The following EXOSC9 variants were observed in gnomAD, a reference collection of about 807,000 sequenced individuals.
EXOSC9 encodes the protein exosome complex component RRP45.
Under a neutral mutation model 56.5 loss-of-function variants are expected in EXOSC9, and 38 were observed. The ratio of observed to expected loss-of-function variants is 0.67; its 90% CI spans 0.52 to 0.88. EXOSC9 has a LOEUF of 0.88. Among genes scored for constraint, EXOSC9 ranks in the 40% least tolerant of loss-of-function variants. EXOSC9 has a pLI of 0.00. For synonymous variants in EXOSC9, 170 were observed against 170.8 expected, an observed-to-expected ratio of 0.99 and a Z score of 0.04; for missense variants, 559 against 530.5, an observed-to-expected ratio of 1.05 and a Z score of -0.53.
In EXOSC9 at chr4:121,816,462, G is replaced by C; in HGVS notation, c.1235+15G>C. On this transcript the variant is annotated intron_variant, in intron 11 of 11. Coordinates refer to ENST00000243498, the MANE Select transcript of EXOSC9 (RefSeq NM_005033.3). ...AAGAAAATAAGGTAACAAATTTCTGGTTTATTTCAAATGTATACATATACT... is the reference window on the plus strand; with the variant it reads ...AAGAAAATAAGGTAACAAATTTCTGCTTTATTTCAAATGTATACATATACT... 1 of 1,510,060 alleles carries C rather than the reference G, an allele frequency of 6.6e-7. No homozygotes were observed. The highest frequency in any genetic ancestry group is 9.0e-7 in the Non-Finnish European group (1 of 1,110,680). 93.5% of individuals were successfully genotyped at this position (1,510,060 alleles called of 1,614,324 possible).
rs916691108 is a variant in EXOSC9 at position 121,801,365 on chromosome 4, A to G, written c.-60A>G. The G allele has an allele frequency of 2.0e-6, 3 of 1,510,564 alleles. No homozygotes were observed. The highest frequency in any genetic ancestry group is 2.8e-6 in the Non-Finnish European group (3 of 1,085,660). The allele number at this position is 1,510,564 out of a possible 1,614,324, so 93.6% of individuals were successfully genotyped here. A position where few individuals can be genotyped will look rare whatever the true frequency, so the allele number is the denominator to read the frequency against. On this transcript the variant is annotated 5_prime_UTR_variant, in exon 1 of 12. Transcript: ENST00000243498. ...CGGGGCGAGCAGCGGCGCGCAAGGA[A>G]AGATCGGGTTCCGTTTTTCCCGCGG...
rs1259523527 is a variant in EXOSC9 at position 121,813,345 on chromosome 4, A to C, written c.939A>C (p.Glu313Asp). 2 of 1,613,712 alleles carry C rather than the reference A, an allele frequency of 1.2e-6. No homozygotes were observed. Among genetic ancestry groups the C allele is most frequent in the Non-Finnish European group, 8.5e-7 (1 of 1,179,830 alleles). Residue 313 changes from glutamate (E) to aspartate (D), a missense_variant, in exon 9 of 12, where the codon GAA becomes GAC. Transcript: ENST00000243498. The part of the protein sequence containing the change: ...IDTSDVEEKA[E>D]EIIAEAEPPS... The stretch of plus-strand genomic sequence containing the variant: ...CCTCGGATGTAGAAGAAAAAGCAGA[A>C]GAAATCATTGCTGAAGCAGAACCTC...
Position 121,816,963 on chromosome 4 carries a change from G to T in EXOSC9, c.*107G>T. Reference sequence around the variant, plus strand: ...ACAAATCCATTATAAAATCTAGCAGGATTTTAAAAATAGTTTTTTGTTTTT... The same window carrying T: ...ACAAATCCATTATAAAATCTAGCAGTATTTTAAAAATAGTTTTTTGTTTTT... On this transcript the variant is annotated 3_prime_UTR_variant, in exon 12 of 12. Transcript: ENST00000243498. The T allele has an allele frequency of 8.8e-7, 1 of 1,132,798 alleles. No homozygotes were observed. The highest frequency in any genetic ancestry group is 1.2e-6 in the Non-Finnish European group (1 of 841,490). 70.2% of individuals were successfully genotyped at this position (1,132,798 alleles called of 1,614,324 possible).
At position 121,814,008 on chromosome 4, in the gene EXOSC9, A is replaced by C. The variant is rs763519680; in HGVS notation, c.1117A>C (p.Met373Leu). ...AGCTATCATTCTTGATGGTATAAAA[A>C]TGGACACTGGAGTAGAAGTCTCTGA... ...DQAIILDGIK[M>L]DTGVEVSDIG... The change falls in exon 10 of 12, where the codon ATG becomes CTG. Residue 373 changes from methionine (M) to leucine (L), a missense_variant. Physicochemically the swap from Met to Leu is conservative, Grantham distance 15. Coordinates refer to ENST00000243498, the MANE Select transcript of EXOSC9 (RefSeq NM_005033.3). The C allele has an allele frequency of 1.2e-6, 2 of 1,613,748 alleles. No individual in the cohort carries two copies. The highest frequency in any genetic ancestry group is 2.7e-5 in the African/African-American group (2 of 74,892).
rs1724319048 is a variant in EXOSC9, at chr4:121,813,253, G to C, written c.847G>C (p.Gly283Arg). Residue 283 changes from glycine to arginine, a missense_variant, in exon 9 of 12, where the codon GGT (glycine) becomes CGT (arginine). Transcript: ENST00000243498. ...QKVRKEGGKFGFAESIANQRI... is the reference protein window; with the variant it reads ...QKVRKEGGKFRFAESIANQRI... ...ATACAGGAAAGAAGGTGGAAAGTTT[G>C]GTTTTGCAGAGTCTATAGCAAATCA... 1 of 1,608,582 alleles carries C rather than the reference G, an allele frequency of 6.2e-7. No individual in the cohort carries two copies. Among genetic ancestry groups the C allele is most frequent in the Non-Finnish European group, 8.5e-7 (1 of 1,176,828 alleles).
chr4:121,807,756 T>G, intron 6 of EXOSC9, 134 bp downstream of exon 6: 1 of 623,602 alleles, frequency 1.6e-6, no homozygotes, highest in East Asian at 2.8e-5. Flanking sequence ...CTTTCTTTCT[T>G]TGTAAGGGCA....
chr4:121,801,894 G>A lies in EXOSC9; in HGVS notation c.134G>A (p.Cys45Tyr), dbSNP rs545738309. The A allele has an allele frequency of 1.9e-6, 3 of 1,613,654 alleles. No individual in the cohort carries two copies. In the African/African-American group the frequency reaches 4.0e-5, roughly 21 times the overall value. Reference sequence around the variant, plus strand: ...ATCTCATTTGGAACAGATTACGGATGCTGCATTGTGGAACTTGGAAAAACA... The same window carrying A: ...ATCTCATTTGGAACAGATTACGGATACTGCATTGTGGAACTTGGAAAAACA... Reference protein sequence around the residue: ...IRISFGTDYGCCIVELGKTRV... With the variant: ...IRISFGTDYGYCIVELGKTRV... The change falls in exon 2 of 12, where the codon TGC becomes TAC. Residue 45 changes from cysteine to tyrosine, a missense_variant. By Grantham distance (194) the Cys-to-Tyr change is radical (BLOSUM62 -2). Transcript: ENST00000243498.
At chr4:121,802,566 C>A in intron 2 of EXOSC9, 108 bp from the exon 3 acceptor site, 1 of 963,586 alleles carries the variant, frequency 1.0e-6, no homozygotes, top group Non-Finnish European at 1.6e-6. Flanking sequence ...ATTTATTTGG[C>A]TGAGTATGAT....
At chr4:121,815,469 T>G in intron 10 of EXOSC9, 1 of 985,268 alleles carries the variant, frequency 1.0e-6, no homozygotes, top group Non-Finnish European at 1.2e-6. Flanking sequence ...AGAAACTAAT[T>G]GAAAACTAAA....
In EXOSC9 at chr4:121,802,062, G is replaced by T. The variant is rs946663928; in HGVS notation, c.161+141G>T. ...GACAAAAATAAGTATTTTTTTATGC[G>T]AGATTTTTTGCTTTTGTGGTCACAC... On this transcript the variant is annotated intron_variant, in intron 2 of 11. Transcript: ENST00000243498. The T allele has an allele frequency of 1.2e-5, 8 of 643,798 alleles. No individual in the cohort carries two copies. The African/African-American group carries it at 1.5e-4, about 12-fold the overall frequency. 39.9% of individuals were successfully genotyped at this position (643,798 alleles called of 1,614,324 possible). A position where few individuals can be genotyped will look rare whatever the true frequency, so the allele number is the denominator to read the frequency against.
intron 4 of EXOSC9, chr4:121,804,397 G>T (rs1371170313): frequency 5.5e-6 from 2 of 361,622 alleles, no homozygotes; most frequent in Non-Finnish European, 9.9e-6. Context: ...TGTTAGAGTG[G>T]TTCTGTTTAT....
Position 121,804,918 on chromosome 4 carries a change from C to T in EXOSC9, c.522+159C>T, listed in dbSNP as rs6836544. ...TGAAACTGCATATGGTCAAAATTGC[C>T]CTGGAAATCTCTTAACCGTTCCTCT... On this transcript the variant is annotated intron_variant, in intron 5 of 11. Transcript: ENST00000243498. Among the ~76,000 whole-genome samples, 19,571 of 152,144 alleles carry T rather than the reference C, an allele frequency of 0.13. 3,441 individuals carry two copies. Among genetic ancestry groups the T allele is most frequent in the African/African-American group, 0.4 (16,447 of 41,458 alleles).
intron 11 of EXOSC9, 93 bp downstream of exon 11, chr4:121,816,540 T>A: frequency 2.2e-6 from 2 of 899,280 alleles, no homozygotes; most frequent in Non-Finnish European, 3.4e-6. Flanking sequence ...GCCACATGAC[T>A]ATAAACAAAA....
chr4:121,808,139 T>TG (rs1429298914), intron 6 of EXOSC9, among the ~76,000 whole-genome samples: 1 of 152,192 alleles, frequency 6.6e-6, no homozygotes, highest in Non-Finnish European at 1.5e-5. Flanking sequence ...GCAGAAAACT[T>TG]GGAGTTTTTC....
At position 121,816,905 on chromosome 4, in the gene EXOSC9, T is replaced by G. The variant is rs148015288; in HGVS notation, c.*49T>G. ...ATATAACTATTAAAAGGGATATTTATTCCATTCTGAGAACCCTGGGTATTT... is the reference window on the plus strand; with the variant it reads ...ATATAACTATTAAAAGGGATATTTAGTCCATTCTGAGAACCCTGGGTATTT... On this transcript the variant is annotated 3_prime_UTR_variant, in exon 12 of 12. Coordinates refer to ENST00000243498, the MANE Select transcript of EXOSC9 (RefSeq NM_005033.3). 6.7e-4 allele frequency: 965 copies of G among 1,443,316 alleles called. 7 individuals are homozygous for G. In the African/African-American group the frequency reaches 0.011, roughly 16 times the overall value. 89.4% of individuals were successfully genotyped at this position (1,443,316 alleles called of 1,614,324 possible).
At chr4:121,811,436 T>G (rs192598325) in intron 7 of EXOSC9, 147 bp from the exon 8 acceptor site, 1 of 463,406 alleles carries the variant, frequency 2.2e-6, no homozygotes, top group Non-Finnish European at 3.9e-6. Flanking sequence ...CTTTCACATC[T>G]TGCCTTAATC....
chr4:121,810,111 G>T lies in EXOSC9; in HGVS notation c.738+12G>T. 6.2e-7 allele frequency: 1 copy of T among 1,608,974 alleles called. No individual in the cohort carries two copies. The highest frequency in any genetic ancestry group is 1.1e-5 in the South Asian group (1 of 90,648). On this transcript the variant is annotated intron_variant, in intron 7 of 11. Coordinates refer to ENST00000243498, the MANE Select transcript of EXOSC9 (RefSeq NM_005033.3). ...TACTAAAAGATCAAGTTAGTGCTTT[G>T]ATTAATGTCCCATTAATAATAGGTT...
Position 121,803,036 on chromosome 4 carries a change from AT to A in EXOSC9, c.384+21del. 1 of 1,506,912 alleles carries A rather than the reference AT, an allele frequency of 6.6e-7. No homozygotes were observed. The highest frequency in any genetic ancestry group is 9.2e-7 in the Non-Finnish European group (1 of 1,082,928). The allele number at this position is 1,506,912 out of a possible 1,614,324, so 93.3% of individuals were successfully genotyped here. ...TGAAAAGGTGGGGAATATGCCCATA[AT>A]TCTTAATCTTAGGATGAATACTGTT... On this transcript the variant is annotated intron_variant, in intron 4 of 11. Transcript: ENST00000243498.
Position 121,802,900 on chromosome 4 carries a change from A to C in EXOSC9, c.282-15A>C. 2 of 1,612,602 alleles carry C rather than the reference A, an allele frequency of 1.2e-6. No homozygotes were observed. Among genetic ancestry groups the C allele is most frequent in the Non-Finnish European group, 1.7e-6 (2 of 1,178,876 alleles). Reference sequence around the variant, plus strand: ...TATTTCATGACATTAGCCCATTCCTATTTTCTCCTTATAGGCAGTCAGATC... The same window carrying C: ...TATTTCATGACATTAGCCCATTCCTCTTTTCTCCTTATAGGCAGTCAGATC... On this transcript the variant is annotated splice_polypyrimidine_tract_variant and intron_variant, in intron 3 of 11. Coordinates refer to ENST00000243498, the MANE Select transcript of EXOSC9 (RefSeq NM_005033.3).
Sources: gnomAD v4.1 joint callset for allele counts (sites outside exome capture counted in the v4.1 genomes callset) on GRCh38, gnomAD v4.1.1 for gene constraint, MANE v1.5 for transcripts, NCBI Gene and HGNC (gene_info 2026-07-23, HGNC 2026-07-21) for gene names.